ADGRG6: variants seen among roughly 807,000 people sequenced by gnomAD.
ADGRG6 encodes G-protein coupled receptor 126.
A neutral mutation model predicts 142.4 loss-of-function variants in ADGRG6; 84 were observed. That is an observed-to-expected ratio of 0.59 (90% CI 0.49 to 0.71). The LOEUF (loss-of-function observed/expected upper bound fraction) is 0.71. ADGRG6 is among the 30% of genes least tolerant of loss of function. The pLI is 0.00. For synonymous variants in ADGRG6, 521 were observed against 520.5 expected, an observed-to-expected ratio of 1.00 and a Z score of -0.01; for missense variants, 1,367 against 1,466.6, an observed-to-expected ratio of 0.93 and a Z score of 1.11.
chr6:142,328,872 A>G (rs915677034), intron 2 of ADGRG6, among the ~76,000 whole-genome samples: 1 of 152,136 alleles, frequency 6.6e-6, no homozygotes, highest in African/African-American at 2.4e-5. Context: ...CATTGAGGTA[A>G]ATTGTAGTTT....
At chr6:142,359,396 A>G (rs11755163) in intron 2 of ADGRG6, among the ~76,000 whole-genome samples, 8,495 of 152,000 alleles carry the variant, frequency 0.056, 335 homozygotes, top group Non-Finnish European at 0.084. Context: ...CACTTTACAC[A>G]CGATGCTCCA....
chr6:142,322,781 A>G (rs1321717200), intron 2 of ADGRG6, among the ~76,000 whole-genome samples: 1 of 152,100 alleles, frequency 6.6e-6, no homozygotes, highest in Non-Finnish European at 1.5e-5. Flanking sequence ...ACTTGTTTTA[A>G]TGTAACAGAG....
chr6:142,370,902 A>G (rs1467286673), intron 4 of ADGRG6, 109 bp downstream of exon 4: 4 of 1,019,388 alleles, frequency 3.9e-6, no homozygotes, highest in Non-Finnish European at 5.9e-6. Context: ...ATGTATATTC[A>G]CACATATAGA....
chr6:142,424,709 T>A (rs904447890), intron 22 of ADGRG6, among the ~76,000 whole-genome samples: 1 of 152,122 alleles, frequency 6.6e-6, no homozygotes, highest in African/African-American at 2.4e-5. Flanking sequence ...GAGGATTCCC[T>A]CTTTTTCTAT....
intron 4 of ADGRG6, among the ~76,000 whole-genome samples, chr6:142,376,401 G>A (rs1030161573): frequency 5.9e-5 from 9 of 152,160 alleles, no homozygotes; most frequent in Non-Finnish European, 1.3e-4. Flanking sequence ...CCATTGGTTA[G>A]CTACTGTGGT....
chr6:142,336,512 C>G (rs1779325121), intron 2 of ADGRG6, among the ~76,000 whole-genome samples: 1 of 152,080 alleles, frequency 6.6e-6, no homozygotes, highest in African/African-American at 2.4e-5. Context: ...GCCCTTGGTT[C>G]AAATAGCTTA....
At chr6:142,411,758 TAAA>T (rs1034578930) in intron 18 of ADGRG6, among the ~76,000 whole-genome samples, 1 of 152,062 alleles carries the variant, frequency 6.6e-6, no homozygotes, top group African/African-American at 2.4e-5. Flanking sequence ...GAGAGAAAGT[TAAA>T]GAAGAAAATG....
At position 142,443,429 on chromosome 6, in the gene ADGRG6, G is replaced by C. The variant is rs1777851971; in HGVS notation, c.3667G>C (p.Val1223Leu). The C allele has an allele frequency of 6.2e-7, 1 of 1,611,344 alleles. No homozygotes were observed. Among genetic ancestry groups the C allele is most frequent in the Non-Finnish European group, 8.5e-7 (1 of 1,177,814 alleles). The change falls in exon 25 of 25, where the codon GTC becomes CTC. Residue 1223 changes from valine (V) to leucine (L), a missense_variant. By Grantham distance (32) the Val-to-Leu change is conservative. This residue lies in a region of ADGRG6 where 344 missense variants were observed against 348.7 expected (regional missense o/e 0.99). Transcript: ENST00000367609. ...CCCTGTCCATCAGGTCATTGATAAG[G>C]TCAAGGGTTATTGCAATGCTCATTC... is the stretch of plus-strand genomic sequence containing the variant. ...IIPVHQVIDKVKGYCNAHSDN... is the reference protein window; with the variant it reads ...IIPVHQVIDKLKGYCNAHSDN...
chr6:142,438,162 C>G (rs1373983719), intron 23 of ADGRG6, 50 bp from the exon 24 acceptor site: 1 of 1,272,870 alleles, frequency 7.9e-7, no homozygotes, highest in African/African-American at 1.5e-5. Flanking sequence ...CAGAGCAGTT[C>G]ATATTCCCGG....
At chr6:142,396,347 C>A (rs1021933324) in intron 9 of ADGRG6, among the ~76,000 whole-genome samples, 1 of 151,930 alleles carries the variant, frequency 6.6e-6, no homozygotes, top group Non-Finnish European at 1.5e-5. Context: ...GGCTTGTATG[C>A]GAATGGTAAG....
rs760856270 is a variant in ADGRG6 at position 142,411,279 on chromosome 6, A to G, written c.2435-26A>G. The G allele has an allele frequency of 7.1e-6, 9 of 1,272,750 alleles. No homozygotes were observed. In the African/African-American group the frequency reaches 1.3e-4, roughly 19 times the overall value. 78.8% of individuals were successfully genotyped at this position (1,272,750 alleles called of 1,614,324 possible). A position where few individuals can be genotyped will look rare whatever the true frequency, so the allele number is the denominator to read the frequency against. On this transcript the variant is annotated intron_variant, in intron 17 of 24. Transcript: ENST00000367609. Reference sequence around the variant, plus strand: ...GAGAAGAAACTGACCTGCTGTTTTCACACTGTTTGTTGATTCCTTCAACAG... The same window carrying G: ...GAGAAGAAACTGACCTGCTGTTTTCGCACTGTTTGTTGATTCCTTCAACAG...
intron 1 of ADGRG6, among the ~76,000 whole-genome samples, chr6:142,305,368 G>T (rs1297025576): frequency 1.4e-5 from 2 of 147,636 alleles, no homozygotes; most frequent in East Asian, 2.0e-4. Flanking sequence ...CTAATTATTG[G>T]CCCCATTTGT....
chr6:142,437,936 CT>C (rs1777564339), intron 23 of ADGRG6: 2 of 255,524 alleles, frequency 7.8e-6, no homozygotes, highest in East Asian at 1.4e-4. Context: ...TGTCTTTTTT[CT>C]TTTCTTTATC....
chr6:142,391,581 T>C lies in ADGRG6; in HGVS notation c.1308+1238T>C, dbSNP rs80215046. ...GTTGACCATAGGTAACAATAGTAGG[T>C]AATTAACTCTGTTACAAAGTTGGTG... On this transcript the variant is annotated intron_variant, in intron 7 of 24. Transcript: ENST00000367609. 9.4e-3 allele frequency among the ~76,000 whole-genome samples: 1,423 copies of C among 151,640 alleles called. 12 individuals carry two copies. Among genetic ancestry groups the C allele is most frequent in the Admixed American group, 0.02 (302 of 15,206 alleles).
intron 18 of ADGRG6, among the ~76,000 whole-genome samples, chr6:142,411,873 G>A (rs1052397783): frequency 1.3e-5 from 2 of 152,058 alleles, no homozygotes; most frequent in African/African-American, 4.8e-5. Context: ...CTTTGTACCT[G>A]GTACTGCACC....
intron 14 of ADGRG6, 125 bp downstream of exon 14, chr6:142,404,098 C>T (rs912673121): frequency 5.6e-6 from 4 of 715,338 alleles, no homozygotes; most frequent in Non-Finnish European, 9.8e-6. Context: ...TGAATGTTGG[C>T]TAAGTTTAAC....
chr6:142,364,866 A>G (rs937517149), intron 2 of ADGRG6, among the ~76,000 whole-genome samples: 3 of 152,118 alleles, frequency 2.0e-5, no homozygotes, highest in African/African-American at 7.2e-5. Flanking sequence ...CCCTGTCTCT[A>G]AAAAATAATA....
chr6:142,325,266 C>T (rs1034451918), intron 2 of ADGRG6, among the ~76,000 whole-genome samples: 2 of 152,098 alleles, frequency 1.3e-5, no homozygotes, highest in Non-Finnish European at 2.9e-5. Context: ...GGTTTGTGCT[C>T]CAGCATAGCC....
chr6:142,441,340 T>C (rs895844213), intron 24 of ADGRG6, among the ~76,000 whole-genome samples: 4 of 152,198 alleles, frequency 2.6e-5, no homozygotes, highest in East Asian at 1.9e-4. Flanking sequence ...ATAGAAGTCA[T>C]GTAAGTGAAA....
Sources: gnomAD v4.1 joint callset for allele counts (sites outside exome capture counted in the v4.1 genomes callset) on GRCh38, gnomAD v4.1.1 for gene constraint, gnomAD v4.1.1 regional missense constraint, MANE v1.5 for transcripts, NCBI Gene and HGNC (gene_info 2026-07-23, HGNC 2026-07-21) for gene names.